Variants in HERC1 observed in about 807,000 individuals in gnomAD.
HERC1 encodes the protein HECT and RLD domain containing E3 ubiquitin protein ligase family member 1, also known as probable E3 ubiquitin-protein ligase HERC1.
Under a neutral mutation model 554.3 loss-of-function variants are expected in HERC1, and 160 were observed. The ratio of observed to expected loss-of-function variants is 0.29; its 90% CI spans 0.25 to 0.33. HERC1 has a LOEUF of 0.33. Among genes scored for constraint, HERC1 ranks in the 10% least tolerant of loss-of-function variants. HERC1 has a pLI of 1.00. For synonymous variants in HERC1, 2,175 were observed against 2,131.7 expected, an observed-to-expected ratio of 1.02 and a Z score of -0.56; for missense variants, 4,919 against 5,918.5, an observed-to-expected ratio of 0.83 and a Z score of 5.54.
intron 1 of HERC1, among the ~76,000 whole-genome samples, chr15:63,788,959 C>G (rs2076540247): frequency 6.7e-6 from 1 of 149,334 alleles, no homozygotes; most frequent in African/African-American, 2.5e-5. Context: ...GATGGCTCAA[C>G]ATAGGCAAAT....
chr15:63,804,403 T>G (rs1391671948), intron 1 of HERC1, among the ~76,000 whole-genome samples: 3 of 151,956 alleles, frequency 2.0e-5, no homozygotes, highest in Non-Finnish European at 2.9e-5. Context: ...CTGGCCAACA[T>G]GGTGAAACCC....
intron 74 of HERC1, among the ~76,000 whole-genome samples, chr15:63,617,513 G>A (rs2067874524): frequency 6.6e-6 from 1 of 152,062 alleles, no homozygotes; most frequent in Non-Finnish European, 1.5e-5. Flanking sequence ...TAATCCTTTG[G>A]GTATATACCC....
intron 1 of HERC1, among the ~76,000 whole-genome samples, chr15:63,824,743 C>T (rs577670808): frequency 1.3e-5 from 2 of 151,880 alleles, no homozygotes; most frequent in South Asian, 4.2e-4. Flanking sequence ...TACAAACACA[C>T]TCTGGAATAG....
chr15:63,674,984 C>A lies in HERC1; in HGVS notation c.7204G>T (p.Val2402Phe). 2 of 1,613,964 alleles carry A rather than the reference C, an allele frequency of 1.2e-6. No individual in the cohort carries two copies. The highest frequency in any genetic ancestry group is 1.1e-5 in the South Asian group (1 of 91,082). ...CTCTGTTTGCCCATGTCTTCATGAACGCCAGTGAGATATGTTAGGTCCAGC... is the reference window on the plus strand; with the variant it reads ...CTCTGTTTGCCCATGTCTTCATGAAAGCCAGTGAGATATGTTAGGTCCAGC... ...VLLDLTYLTG[V>F]HEDMGKQSTK... Residue 2402 changes from valine (V) to phenylalanine (F), a missense_variant, in exon 38 of 78, where the codon GTT (valine) becomes TTT (phenylalanine). Val to Phe is a conservative substitution (Grantham distance 50). Around this residue, in one of 11 missense-constraint regions of HERC1, gnomAD observed 1,963 missense variants for 2,228.6 expected, o/e 0.88. Coordinates refer to ENST00000443617, the MANE Select transcript of HERC1 (RefSeq NM_003922.4).
chr15:63,655,799 C>A lies in HERC1; in HGVS notation c.10027G>T (p.Ala3343Ser). ...VVTQALVALL[A>S]DKGAKLRPNY... ...GGTCTTAGTTTGGCCCCTTTGTCTG[C>A]TAGCAATGCCACAAGGGCCTGTGTT... Residue 3343 changes from alanine (A) to serine (S), a missense_variant, in exon 50 of 78, where the codon GCA becomes TCA. Physicochemically the swap from Ala to Ser is moderately conservative, Grantham distance 99 (BLOSUM62 1). Transcript: ENST00000443617. 3 of 1,582,874 alleles carry A rather than the reference C, an allele frequency of 1.9e-6. No homozygotes were observed. Among genetic ancestry groups the A allele is most frequent in the Non-Finnish European group, 2.6e-6 (3 of 1,163,040 alleles).
intron 2 of HERC1, among the ~76,000 whole-genome samples, chr15:63,766,064 A>G (rs1429574851): frequency 1.3e-5 from 2 of 151,994 alleles, no homozygotes; most frequent in Non-Finnish European, 2.9e-5. Context: ...TACATAACTC[A>G]CTATAGCCTC....
At chr15:63,706,614 C>T (rs1476672467) in intron 25 of HERC1, among the ~76,000 whole-genome samples, 166 bp downstream of exon 25, 1 of 152,090 alleles carries the variant, frequency 6.6e-6, no homozygotes, top group African/African-American at 2.4e-5. Flanking sequence ...TTTAACTCTT[C>T]TGATAAAATG....
chr15:63,639,272 C>T (rs746118384), intron 61 of HERC1, among the ~76,000 whole-genome samples: 3 of 152,152 alleles, frequency 2.0e-5, no homozygotes, highest in Admixed American at 1.3e-4. Context: ...ATTATAAAAC[C>T]TTATTTTTAT....
rs1567090273 is a variant in HERC1, at chr15:63,754,490, TA to T, written c.1774+14del. 6.4e-7 allele frequency: 1 copy of T among 1,552,066 alleles called. No homozygotes were observed. Among genetic ancestry groups the T allele is most frequent in the South Asian group, 1.3e-5 (1 of 78,166 alleles). ...GAAAAAAGCCAAAGCTACTGATAAA[TA>T]ATTTTTTACATACCATTGTCTCCTC... is the stretch of plus-strand genomic sequence containing the variant. On this transcript the variant is annotated intron_variant, in intron 7 of 77. Coordinates refer to ENST00000443617, the MANE Select transcript of HERC1 (RefSeq NM_003922.4).
chr15:63,660,242 C>A (rs1228072924), intron 46 of HERC1, among the ~76,000 whole-genome samples: 1 of 152,106 alleles, frequency 6.6e-6, no homozygotes, highest in African/African-American at 2.4e-5. Context: ...ATTGCTTGAA[C>A]CTGGGAGGCC....
Position 63,612,725 on chromosome 15 carries a change from T to C in HERC1, c.14095-169A>G, listed in dbSNP as rs2067656308. ...GTCAGTCAAAAAGGCCCACCCTCCC[T>C]GCCTCTCAACCCTTGTTAGAGTGCC... On this transcript the variant is annotated intron_variant, in intron 76 of 77. Coordinates refer to ENST00000443617, the MANE Select transcript of HERC1 (RefSeq NM_003922.4). The surrounding 1 kb of genome is among the most constrained non-coding windows in gnomAD (Gnocchi z 5.0). 6.6e-6 allele frequency among the ~76,000 whole-genome samples: 1 copy of C among 152,192 alleles called. No homozygotes were observed. The highest frequency in any genetic ancestry group is 2.4e-5 in the African/African-American group (1 of 41,454).
chr15:63,664,835 A>G (rs1007958910), intron 42 of HERC1, among the ~76,000 whole-genome samples: 5 of 152,236 alleles, frequency 3.3e-5, no homozygotes, highest in Admixed American at 6.5e-5. Context: ...ATGTTTAATG[A>G]AGCTCAAATT....
chr15:63,763,217 T>G (rs1429441459), intron 3 of HERC1, among the ~76,000 whole-genome samples: 1 of 152,122 alleles, frequency 6.6e-6, no homozygotes, highest in Non-Finnish European at 1.5e-5. Flanking sequence ...CCAACACTAA[T>G]AAAAAGAAAC....
rs2075164679 is a variant in HERC1, at chr15:63,749,380, G to A, written c.2206C>T (p.Leu736Phe). ...GTSHSLAWTA[L>F]PRDRQVVAWH... ...AGGCACTCTTACCTGTCCCTAGGAA[G>A]AGCAGTCCATGCCAGACTATGTGAT... Residue 736 changes from leucine to phenylalanine, a missense_variant, in exon 10 of 78, where the codon CTT (leucine) becomes TTT (phenylalanine). Coordinates refer to ENST00000443617, the MANE Select transcript of HERC1 (RefSeq NM_003922.4). This position sits in a 1 kb window ranked among gnomAD's most constrained non-coding sequence, Gnocchi z 4.1. 6.2e-7 allele frequency: 1 copy of A among 1,607,458 alleles called. No homozygotes were observed. The highest frequency in any genetic ancestry group is 1.3e-5 in the African/African-American group (1 of 74,798).
chr15:63,816,924 A>G (rs758609662), intron 1 of HERC1, among the ~76,000 whole-genome samples: 2 of 152,202 alleles, frequency 1.3e-5, no homozygotes, highest in South Asian at 2.1e-4. Flanking sequence ...AAGACCTTAC[A>G]TATCTCCCGA....
intron 1 of HERC1, among the ~76,000 whole-genome samples, chr15:63,802,755 C>T (rs2077032365): frequency 6.6e-6 from 1 of 152,132 alleles, no homozygotes. Flanking sequence ...CTGAAATAAA[C>T]GAGTTACTGC....
At chr15:63,720,118 T>TTTTTTTTTTTTTTTTTAA (rs2073753039) in intron 19 of HERC1, among the ~76,000 whole-genome samples, 1 of 8,350 alleles carries the variant, frequency 1.2e-4, no homozygotes. Context: ...TTTTTTTTTT[T>TTTTTTTTTTTTTTTTTAA]AAGAGACAGG....
intron 14 of HERC1, 96 bp from the exon 15 acceptor site, chr15:63,729,745 G>A: frequency 8.1e-7 from 1 of 1,234,282 alleles, no homozygotes; most frequent in Non-Finnish European, 1.1e-6. Flanking sequence ...TATATGGGCT[G>A]GGTGCGGTGA....
rs572434067 is a variant in HERC1 at position 63,793,135 on chromosome 15, C to T, written c.-26-17486G>A. Among the ~76,000 whole-genome samples the T allele has an allele frequency of 1.5e-3, 235 of 152,324 alleles. 1 individual carries two copies. Among genetic ancestry groups the T allele is most frequent in the African/African-American group, 5.4e-3 (223 of 41,574 alleles). On this transcript the variant is annotated intron_variant, in intron 1 of 77. Transcript: ENST00000443617. Reference sequence around the variant, plus strand: ...GCCACCCTCCAGGAACTGCCAGAGGCGTCTGAACCAGAGCAACTCCATCTT... The same window carrying T: ...GCCACCCTCCAGGAACTGCCAGAGGTGTCTGAACCAGAGCAACTCCATCTT...
Sources: gnomAD v4.1 joint callset for allele counts (sites outside exome capture counted in the v4.1 genomes callset) on GRCh38, gnomAD v4.1.1 for gene constraint, gnomAD v4.1.1 regional missense constraint, Gnocchi (gnomAD v3.1) non-coding constraint, MANE v1.5 for transcripts, NCBI Gene and HGNC (gene_info 2026-07-23, HGNC 2026-07-21) for gene names.